Variants in AP1S3 observed in about 807,000 individuals in gnomAD.
AP1S3 encodes the protein AP-1 complex subunit sigma-3.
In AP1S3, 10 loss-of-function variants were observed where a neutral mutation model predicts 20.9. That is an observed-to-expected ratio of 0.48 (90% confidence interval 0.29 to 0.81). AP1S3 has a LOEUF of 0.81. AP1S3 is among the 30% of genes least tolerant of loss of function. The pLI, the probability that AP1S3 is intolerant of heterozygous loss-of-function variation, is 0.08. For missense variants in AP1S3, 154 were observed against 183.8 expected, an observed-to-expected ratio of 0.84 and a Z score of 0.94; for synonymous variants, 41 against 61.5, an observed-to-expected ratio of 0.67 and a Z score of 1.56.
chr2:223,780,269 C>T (rs1186245332), intron 1 of AP1S3, among the ~76,000 whole-genome samples: 2 of 106,702 alleles, frequency 1.9e-5, no homozygotes, highest in African/African-American at 3.7e-5. Context: ...CACCACCATG[C>T]CTGGCTAATA....
intron 4 of AP1S3, among the ~76,000 whole-genome samples, chr2:223,759,542 A>G (rs1690303298): frequency 6.6e-6 from 1 of 152,228 alleles, no homozygotes; most frequent in African/African-American, 2.4e-5. Flanking sequence ...TTACTTCTCT[A>G]CAAGGTTCAC....
rs150846847 is a variant in AP1S3 at position 223,812,468 on chromosome 2, C to T, written c.3+24980G>A. Among the ~76,000 whole-genome samples, 407 of 152,210 alleles carry T rather than the reference C, an allele frequency of 2.7e-3. 2 individuals carry two copies. The highest frequency in any genetic ancestry group is 0.025 in the East Asian group (130 of 5,158). ...AACTCCTGACTTCAGGTGATCAGCCCGCATTGGCCTCCCAAAGTGCTGGGA... is the reference window on the plus strand; with the variant it reads ...AACTCCTGACTTCAGGTGATCAGCCTGCATTGGCCTCCCAAAGTGCTGGGA... On this transcript the variant is annotated intron_variant, in intron 1 of 4. Coordinates refer to ENST00000396654, the MANE Select transcript of AP1S3 (RefSeq NM_001039569.2).
intron 1 of AP1S3, among the ~76,000 whole-genome samples, chr2:223,778,761 A>G (rs1340549322): frequency 2.7e-5 from 4 of 150,116 alleles, no homozygotes; most frequent in Non-Finnish European, 5.9e-5. Flanking sequence ...CAGTGGCATG[A>G]TCTCAGCTCA....
At chr2:223,828,325 C>A (rs572790962) in intron 1 of AP1S3, among the ~76,000 whole-genome samples, 3 of 140,852 alleles carry the variant, frequency 2.1e-5, no homozygotes, top group Non-Finnish European at 4.5e-5. Context: ...GAGACAGACT[C>A]TCACTCTGTT....
chr2:223,776,311 C>A (rs1690783634), intron 2 of AP1S3, among the ~76,000 whole-genome samples: 1 of 152,198 alleles, frequency 6.6e-6, no homozygotes, highest in Non-Finnish European at 1.5e-5. Flanking sequence ...TGTCTTCACA[C>A]CCCTCTCCAG....
At chr2:223,794,732 T>G (rs889441113) in intron 1 of AP1S3, among the ~76,000 whole-genome samples, 1 of 152,156 alleles carries the variant, frequency 6.6e-6, no homozygotes, top group African/African-American at 2.4e-5. Flanking sequence ...AAAACAATTA[T>G]CCTGACGTCC....
intron 4 of AP1S3, among the ~76,000 whole-genome samples, chr2:223,763,103 C>T (rs1162711673): frequency 1.3e-5 from 2 of 152,168 alleles, no homozygotes; most frequent in African/African-American, 2.4e-5. Context: ...ACTAATAACA[C>T]TCTCTGTATT....
chr2:223,777,783 CT>C lies in AP1S3; in HGVS notation c.89del (p.Lys30ArgfsTer26), dbSNP rs1559279582. ...YITLPDKERK[K>X]ITREIVQIIL... ...TAATCTGAACAATTTCCCGGGTGAT[CT>C]TCTTCCTCTCTTTATCAGGGAGAGT... On this transcript the variant is annotated frameshift_variant, in exon 2 of 5. Transcript: ENST00000396654. LOFTEE classifies it high-confidence loss of function. The C allele has an allele frequency of 1.2e-6, 2 of 1,614,144 alleles. No homozygotes were observed. The highest frequency in any genetic ancestry group is 1.7e-6 in the Non-Finnish European group (2 of 1,180,016).
chr2:223,833,690 CAGA>C (rs907984515), intron 1 of AP1S3, among the ~76,000 whole-genome samples: 9 of 152,162 alleles, frequency 5.9e-5, no homozygotes, highest in African/African-American at 1.9e-4. Context: ...ACAAAGGTCT[CAGA>C]GCAGCTGGGC....
intron 1 of AP1S3, among the ~76,000 whole-genome samples, chr2:223,798,564 T>C (rs1691398129): frequency 2.0e-5 from 3 of 152,228 alleles, no homozygotes; most frequent in Admixed American, 6.5e-5. Context: ...ACATTCTCTC[T>C]ATAAAGACAA....
At chr2:223,819,838 C>A (rs1461129772) in intron 1 of AP1S3, among the ~76,000 whole-genome samples, 3 of 151,948 alleles carry the variant, frequency 2.0e-5, no homozygotes, top group African/African-American at 7.2e-5. Flanking sequence ...CTTATATTTT[C>A]TGCTTTTTGA....
rs116096783 is a variant in AP1S3 at position 223,819,778 on chromosome 2, A to G, written c.3+17670T>C. Among the ~76,000 whole-genome samples, 982 of 152,286 alleles carry G rather than the reference A, an allele frequency of 6.4e-3. 8 individuals are homozygous for G. Among genetic ancestry groups the G allele is most frequent in the African/African-American group, 0.022 (932 of 41,560 alleles). ...TTAGTAGTATATTATAGAAGCACTC[A>G]TGTTACAAACATTTGCTATAAACAC... On this transcript the variant is annotated intron_variant, in intron 1 of 4. Coordinates refer to ENST00000396654, the MANE Select transcript of AP1S3 (RefSeq NM_001039569.2).
chr2:223,822,641 G>A (rs1309243698), intron 1 of AP1S3, among the ~76,000 whole-genome samples: 4 of 151,728 alleles, frequency 2.6e-5, no homozygotes, highest in African/African-American at 4.8e-5. Context: ...CCGAGATCGC[G>A]CCATTGCACT....
chr2:223,799,098 A>C (rs147674994), intron 1 of AP1S3, among the ~76,000 whole-genome samples: 25 of 152,258 alleles, frequency 1.6e-4, no homozygotes, highest in African/African-American at 6.0e-4. Flanking sequence ...GAGGGAGATA[A>C]GAAATAGACA....
chr2:223,765,589 A>G (rs1319775097), intron 3 of AP1S3, among the ~76,000 whole-genome samples: 1 of 152,206 alleles, frequency 6.6e-6, no homozygotes, highest in Non-Finnish European at 1.5e-5. Flanking sequence ...TACAACAGGA[A>G]ATTTGAGGCT....
At chr2:223,829,666 C>T (rs1339122831) in intron 1 of AP1S3, among the ~76,000 whole-genome samples, 1 of 150,706 alleles carries the variant, frequency 6.6e-6, no homozygotes, top group African/African-American at 2.4e-5. Flanking sequence ...AATGAAACTC[C>T]ATCTCAAAAA....
chr2:223,784,291 C>T lies in AP1S3; in HGVS notation c.4-6422G>A, dbSNP rs577538977. On this transcript the variant is annotated intron_variant, in intron 1 of 4. Coordinates refer to ENST00000396654, the MANE Select transcript of AP1S3 (RefSeq NM_001039569.2). ...GGTCATTTCATATCACCACCATGCC[C>T]CCATATTCCCAGTCTCCATCCTCAC... Among the ~76,000 whole-genome samples, 150 of 152,232 alleles carry T rather than the reference C, an allele frequency of 9.9e-4. 2 individuals carry two copies. The highest frequency in any genetic ancestry group is 3.4e-3 in the African/African-American group (140 of 41,528).
chr2:223,808,547 A>G (rs1376505750), intron 1 of AP1S3, among the ~76,000 whole-genome samples: 1 of 152,204 alleles, frequency 6.6e-6, no homozygotes, highest in African/African-American at 2.4e-5. Context: ...TAAATGACCC[A>G]TCTTTGCATT....
In AP1S3 at chr2:223,756,402, G is replaced by T; in HGVS notation, c.*2313C>A. 2.1e-6 allele frequency: 1 copy of T among 468,514 alleles called. No individual in the cohort carries two copies. The highest frequency in any genetic ancestry group is 2.7e-6 in the Non-Finnish European group (1 of 365,444). The allele number at this position is 468,514 out of a possible 1,614,324, so 29.0% of individuals were successfully genotyped here. A position where few individuals can be genotyped will look rare whatever the true frequency, so the allele number is the denominator to read the frequency against. ...GGAGGGAGGGAGGAAGGGAAGGAAG[G>T]AAGGGAGGGAAGGAGAGAGAGAGAA... On this transcript the variant is annotated 3_prime_UTR_variant, in exon 5 of 5. Transcript: ENST00000396654.
Sources: gnomAD v4.1 joint callset for allele counts (sites outside exome capture counted in the v4.1 genomes callset) on GRCh38, gnomAD v4.1.1 for gene constraint, MANE v1.5 for transcripts, NCBI Gene and HGNC (gene_info 2026-07-23, HGNC 2026-07-21) for gene names.